Variants in SORCS2 observed in about 807,000 individuals in gnomAD.
The protein encoded by SORCS2 is VPS10 domain-containing receptor SorCS2.
Under a neutral mutation model 141.6 loss-of-function variants are expected in SORCS2, and 100 were observed. The observed-to-expected ratio is 0.71, with a 90% CI of 0.60 to 0.83. The LOEUF is 0.83. Among genes scored for constraint, SORCS2 ranks in the 40% least tolerant of loss-of-function variants. The pLI, the probability that SORCS2 is intolerant of heterozygous loss-of-function variation, is 0.00. For missense variants in SORCS2, 1,646 were observed against 1,560.2 expected (o/e 1.05, Z -0.93); for synonymous variants, 789 against 676.9 (o/e 1.17, Z -2.57).
chr4:7,391,982 G>A lies in SORCS2; in HGVS notation c.481-4306G>A, dbSNP rs114706829. Among the ~76,000 whole-genome samples, 1,378 of 152,296 alleles carry A rather than the reference G, an allele frequency of 9.0e-3. 12 individuals are homozygous for A. The highest frequency in any genetic ancestry group is 0.031 in the African/African-American group (1,298 of 41,558). Reference sequence around the variant, plus strand: ...AGCTAGAGGAGTGGCAGCTGCTGCCGGACCGGCCCTGTTATTTACAGGGTT... The same window carrying A: ...AGCTAGAGGAGTGGCAGCTGCTGCCAGACCGGCCCTGTTATTTACAGGGTT... On this transcript the variant is annotated intron_variant, in intron 1 of 26. Transcript: ENST00000507866.
intron 3 of SORCS2, among the ~76,000 whole-genome samples, chr4:7,601,646 A>G (rs1201973677): frequency 9.4e-5 from 13 of 138,156 alleles, no homozygotes; most frequent in Non-Finnish European, 1.9e-4. Flanking sequence ...AAAAAGTTTA[A>G]CATAGCTTTG....
chr4:7,550,218 CT>C (rs1162488659), intron 3 of SORCS2, among the ~76,000 whole-genome samples: 1 of 151,978 alleles, frequency 6.6e-6, no homozygotes, highest in African/African-American at 2.4e-5. Flanking sequence ...GCCTCCCTGC[CT>C]GTGAACCGCC....
At chr4:7,519,012 G>A (rs1452230664) in intron 2 of SORCS2, among the ~76,000 whole-genome samples, 1 of 152,200 alleles carries the variant, frequency 6.6e-6, no homozygotes, top group Non-Finnish European at 1.5e-5. Flanking sequence ...CCTCGGGCTT[G>A]CAGGCTCTGG....
chr4:7,367,656 G>T (rs921021927), intron 1 of SORCS2, among the ~76,000 whole-genome samples: 1 of 152,234 alleles, frequency 6.6e-6, no homozygotes, highest in Non-Finnish European at 1.5e-5. Context: ...CCCCTGCCAG[G>T]CCTGACGCTT....
intron 1 of SORCS2, among the ~76,000 whole-genome samples, chr4:7,262,369 T>TCCAC (rs1714407843): frequency 7.6e-6 from 1 of 132,094 alleles, no homozygotes; most frequent in Non-Finnish European, 1.6e-5. Context: ...CACCCACCTA[T>TCCAC]CCATCTATCC....
intron 2 of SORCS2, among the ~76,000 whole-genome samples, chr4:7,513,657 A>C (rs1732798260): frequency 6.6e-6 from 1 of 152,042 alleles, no homozygotes; most frequent in Non-Finnish European, 1.5e-5. Flanking sequence ...CAGTACCCCA[A>C]ACCCAGCGTT....
At chr4:7,617,836 G>A (rs1290887813) in intron 3 of SORCS2, among the ~76,000 whole-genome samples, 4 of 152,236 alleles carry the variant, frequency 2.6e-5, no homozygotes, top group East Asian at 3.9e-4. Context: ...GGGGGAGAAG[G>A]GGGAAGAAGT....
At chr4:7,568,201 C>T (rs1342435652) in intron 3 of SORCS2, among the ~76,000 whole-genome samples, 3 of 152,164 alleles carry the variant, frequency 2.0e-5, no homozygotes, top group Admixed American at 6.5e-5. Flanking sequence ...TCACAGTGCC[C>T]TTCGTGGCTC....
intron 4 of SORCS2, among the ~76,000 whole-genome samples, chr4:7,644,722 C>T (rs1051550197): frequency 2.6e-5 from 4 of 152,182 alleles, no homozygotes; most frequent in African/African-American, 9.7e-5. Flanking sequence ...CCTCAAGCTG[C>T]TCCTTTCCCT....
chr4:7,679,857 G>A (rs1483832957), intron 9 of SORCS2, among the ~76,000 whole-genome samples: 1 of 151,170 alleles, frequency 6.6e-6, no homozygotes, highest in East Asian at 2.0e-4. Flanking sequence ...CAGCCAATCA[G>A]ACCCACCCGG....
chr4:7,254,317 A>G (rs149121631), intron 1 of SORCS2, among the ~76,000 whole-genome samples: 168 of 152,362 alleles, frequency 1.1e-3, no homozygotes, highest in African/African-American at 3.9e-3. Flanking sequence ...GTCTAGACAC[A>G]CCATGGAATA....
intron 3 of SORCS2, among the ~76,000 whole-genome samples, chr4:7,532,511 T>C (rs901055903): frequency 6.6e-6 from 1 of 152,120 alleles, no homozygotes; most frequent in African/African-American, 2.4e-5. Context: ...CAGCTTGGAG[T>C]CTGTGAGAAT....
At chr4:7,633,034 T>C (rs1719998647) in intron 3 of SORCS2, among the ~76,000 whole-genome samples, 1 of 151,970 alleles carries the variant, frequency 6.6e-6, no homozygotes, top group Non-Finnish European at 1.5e-5. Context: ...AGCATTTAGG[T>C]TTGTTGAGGT....
At chr4:7,433,279 C>G in intron 2 of SORCS2, 1 of 1,352,178 alleles carries the variant, frequency 7.4e-7, no homozygotes, top group South Asian at 2.3e-5. Context: ...CCTCATGGGC[C>G]TCGCTAGCAG....
At chr4:7,336,057 G>C (rs995815423) in intron 1 of SORCS2, among the ~76,000 whole-genome samples, 3 of 152,234 alleles carry the variant, frequency 2.0e-5, no homozygotes, top group Non-Finnish European at 2.9e-5. Flanking sequence ...GCTGTGTGCA[G>C]GGGCTCACTT....
At chr4:7,276,812 G>A (rs1715529033) in intron 1 of SORCS2, among the ~76,000 whole-genome samples, 1 of 152,194 alleles carries the variant, frequency 6.6e-6, no homozygotes. Context: ...GAGCAGAAGA[G>A]CTTCCATTCA....
chr4:7,347,557 A>G (rs565676328), intron 1 of SORCS2, among the ~76,000 whole-genome samples: 2 of 152,320 alleles, frequency 1.3e-5, no homozygotes, highest in African/African-American at 4.8e-5. Flanking sequence ...AGTTTGTTCA[A>G]GATCACACAG....
chr4:7,459,566 C>T (rs375776266), intron 2 of SORCS2, among the ~76,000 whole-genome samples: 10 of 152,178 alleles, frequency 6.6e-5, no homozygotes, highest in African/African-American at 1.4e-4. Flanking sequence ...GATGATGCCA[C>T]GATGCCTGGC....
chr4:7,625,278 C>G (rs1177082073), intron 3 of SORCS2, among the ~76,000 whole-genome samples: 1 of 152,104 alleles, frequency 6.6e-6, no homozygotes, highest in Admixed American at 6.5e-5. Context: ...AGGCTGGACG[C>G]CAGCTCCGAG....
Sources: gnomAD v4.1 joint callset for allele counts (sites outside exome capture counted in the v4.1 genomes callset) on GRCh38, gnomAD v4.1.1 for gene constraint, MANE v1.5 for transcripts, NCBI Gene and HGNC (gene_info 2026-07-23, HGNC 2026-07-21) for gene names.